BORCS5: variants seen among roughly 807,000 people sequenced by gnomAD.
BORCS5 encodes the protein BLOC-1-related complex subunit 5.
Under a neutral mutation model 22.1 loss-of-function variants are expected in BORCS5, and 17 were observed. The ratio of observed to expected loss-of-function variants is 0.77; its 90% confidence interval spans 0.53 to 1.15. The LOEUF (loss-of-function observed/expected upper bound fraction) is 1.15, where lower values mean the gene tolerates loss of function less well. Among genes scored for constraint, BORCS5 ranks in the 50% most tolerant of loss-of-function variants. The pLI, the probability that BORCS5 is intolerant of heterozygous loss-of-function variation, is 0.00. For synonymous variants in BORCS5, 117 were observed against 99.8 expected, an observed-to-expected ratio of 1.17 and a Z score of -1.03; for missense variants, 247 against 253.2, an observed-to-expected ratio of 0.98 and a Z score of 0.17.
At chr12:12,438,401 C>CATATCTAATCCATA (rs1353299481) in intron 3 of BORCS5, among the ~76,000 whole-genome samples, 1 of 125,178 alleles carries the variant, frequency 8.0e-6, no homozygotes, top group East Asian at 2.3e-4. Flanking sequence ...CAACAAAAAC[C>CATATCTAATCCATA]TCTAATCCAT....
chr12:12,411,861 T>C (rs1941744139), intron 2 of BORCS5, among the ~76,000 whole-genome samples: 1 of 152,226 alleles, frequency 6.6e-6, no homozygotes, highest in South Asian at 2.1e-4. Flanking sequence ...ATAGCCAGCT[T>C]TCCTAGCAGC....
At chr12:12,381,641 T>G (rs918728147) in intron 2 of BORCS5, among the ~76,000 whole-genome samples, 4 of 151,542 alleles carry the variant, frequency 2.6e-5, no homozygotes, top group African/African-American at 4.8e-5. Context: ...TTCTCTTGTA[T>G]TACTGCTTAG....
At chr12:12,423,062 C>T (rs11537452) in intron 2 of BORCS5, among the ~76,000 whole-genome samples, 46,466 of 151,476 alleles carry the variant, frequency 0.31, 8,526 homozygotes, top group Non-Finnish European at 0.4. Context: ...AGTGCAGTGG[C>T]GTGATCTCGA....
At chr12:12,425,197 T>G (rs1005118627) in intron 2 of BORCS5, among the ~76,000 whole-genome samples, 1 of 152,194 alleles carries the variant, frequency 6.6e-6, no homozygotes, top group East Asian at 1.9e-4. Flanking sequence ...AGATGGCTGG[T>G]GCTATTATGA....
chr12:12,451,845 G>C (rs1942915282), intron 3 of BORCS5, among the ~76,000 whole-genome samples: 1 of 151,216 alleles, frequency 6.6e-6, no homozygotes, highest in Non-Finnish European at 1.5e-5. Context: ...GTGAACCCAG[G>C]AGGCGGAGCT....
intron 2 of BORCS5, among the ~76,000 whole-genome samples, chr12:12,383,860 A>G (rs1470802043): frequency 6.6e-6 from 1 of 150,886 alleles, no homozygotes; most frequent in African/African-American, 2.4e-5. Context: ...AATATTTTTC[A>G]TCAGATTTGG....
In BORCS5 at chr12:12,420,202, C is replaced by G. The variant is rs917025086; in HGVS notation, c.203-15426C>G. Among the ~76,000 whole-genome samples the G allele has an allele frequency of 6.9e-5, 10 of 145,224 alleles. No homozygotes were observed. The South Asian group carries it at 1.3e-3, about 18-fold the overall frequency. Reference sequence around the variant, plus strand: ...AGGTCTAACATGTAAGTCTTTAATCCATTTTGAATTAATTTTTGTATAAGG... The same window carrying G: ...AGGTCTAACATGTAAGTCTTTAATCGATTTTGAATTAATTTTTGTATAAGG... On this transcript the variant is annotated intron_variant, in intron 2 of 3. Coordinates refer to ENST00000314565, the MANE Select transcript of BORCS5 (RefSeq NM_058169.6).
intron 3 of BORCS5, among the ~76,000 whole-genome samples, chr12:12,455,819 A>C (rs1406411519): frequency 6.6e-6 from 1 of 151,298 alleles, no homozygotes; most frequent in African/African-American, 2.4e-5. Context: ...GTCCATATGC[A>C]GTCTTTTTTG....
intron 2 of BORCS5, among the ~76,000 whole-genome samples, chr12:12,365,836 G>A (rs1366009684): frequency 6.6e-6 from 1 of 150,966 alleles, no homozygotes; most frequent in African/African-American, 2.5e-5. Flanking sequence ...TCACATGGCT[G>A]TAAGTGATAG....
chr12:12,428,356 G>A (rs1479581879), intron 2 of BORCS5, among the ~76,000 whole-genome samples: 5 of 152,192 alleles, frequency 3.3e-5, no homozygotes, highest in African/African-American at 1.2e-4. Context: ...AGGTACAGAT[G>A]GTAGTTTGCT....
At position 12,415,556 on chromosome 12, in the gene BORCS5, AGAGGGG is replaced by A. The variant is rs1243779710; in HGVS notation, c.203-20053_203-20048del. On this transcript the variant is annotated intron_variant, in intron 2 of 3. Transcript: ENST00000314565. ...GAGACCGTGGAAGGAGACCGTGGAGAGAGGGGGAGGGGGAGGGGGAGGGGCGATTTT... is the reference window on the plus strand; with the variant it reads ...GAGACCGTGGAAGGAGACCGTGGAGAGAGGGGGAGGGGGAGGGGCGATTTT... Among the ~76,000 whole-genome samples, 16 of 3,262 alleles carry A rather than the reference AGAGGGG, an allele frequency of 4.9e-3. 2 individuals are homozygous for A. The East Asian group carries it at 0.065, about 13-fold the overall frequency. The allele number at this position is 3,262 out of a possible 152,430, so 2.1% of individuals were successfully genotyped here.
At chr12:12,436,994 T>G (rs1310313331) in intron 3 of BORCS5, among the ~76,000 whole-genome samples, 1 of 152,220 alleles carries the variant, frequency 6.6e-6, no homozygotes, top group Admixed American at 6.5e-5. Context: ...CATGTGAGTT[T>G]TTTGTTTGTT....
intron 2 of BORCS5, among the ~76,000 whole-genome samples, chr12:12,363,766 T>C (rs1430537164): frequency 6.6e-6 from 1 of 151,320 alleles, no homozygotes; most frequent in African/African-American, 2.4e-5. Flanking sequence ...GGTGTGGTGG[T>C]GTGCACCTGT....
Position 12,438,374 on chromosome 12 carries a change from A to AAACAAAAAAC in BORCS5, c.360+2591_360+2592insCAAAAAACAA, listed in dbSNP as rs1555156021. Among the ~76,000 whole-genome samples, 615 of 125,058 alleles carry AAACAAAAAAC rather than the reference A, an allele frequency of 4.9e-3. 12 individuals carry two copies. Among genetic ancestry groups the AAACAAAAAAC allele is most frequent in the Middle Eastern group, 0.016 (4 of 252 alleles). 82.0% of individuals were successfully genotyped at this position (125,058 alleles called of 152,430 possible). A position where few individuals can be genotyped will look rare whatever the true frequency, so the allele number is the denominator to read the frequency against. Reference sequence around the variant, plus strand: ...AGATTTCATCTCAAAAAAAAAAAAAAAAAAAACGAAAAACAACAACAAAAA... The same window carrying AAACAAAAAAC: ...AGATTTCATCTCAAAAAAAAAAAAAAAACAAAAAACAAAAAACGAAAAACAACAACAAAAA... On this transcript the variant is annotated intron_variant, in intron 3 of 3. Transcript: ENST00000314565.
intron 2 of BORCS5, among the ~76,000 whole-genome samples, chr12:12,366,551 T>C (rs1226815301): frequency 6.6e-6 from 1 of 152,154 alleles, no homozygotes; most frequent in Non-Finnish European, 1.5e-5. Flanking sequence ...TTATAGGAAA[T>C]GAAAGATTAG....
At position 12,467,860 on chromosome 12, in the gene BORCS5, A is replaced by C. The variant is rs1291950157; in HGVS notation, c.*2084A>C. The C allele has an allele frequency of 6.6e-6, 1 of 152,188 alleles. No homozygotes were observed. The highest frequency in any genetic ancestry group is 1.5e-5 in the Non-Finnish European group (1 of 68,048). 9.4% of individuals were successfully genotyped at this position (152,188 alleles called of 1,614,324 possible). A position where few individuals can be genotyped will look rare whatever the true frequency, so the allele number is the denominator to read the frequency against. On this transcript the variant is annotated 3_prime_UTR_variant, in exon 4 of 4. Coordinates refer to ENST00000314565, the MANE Select transcript of BORCS5 (RefSeq NM_058169.6). ...GGTCAGGCCCTGTTCCATCACGTGC[A>C]CGTTACCATGGATCTCCTGCACTTG...
chr12:12,424,010 A>G lies in BORCS5; in HGVS notation c.203-11618A>G, dbSNP rs562805617. 1.2e-4 allele frequency among the ~76,000 whole-genome samples: 18 copies of G among 152,190 alleles called. 1 individual carries two copies. The South Asian group carries it at 3.5e-3, about 30-fold the overall frequency. On this transcript the variant is annotated intron_variant, in intron 2 of 3. Coordinates refer to ENST00000314565, the MANE Select transcript of BORCS5 (RefSeq NM_058169.6). The stretch of plus-strand genomic sequence containing the variant: ...TGGCCCTTTCTAAAGGTTGATTATA[A>G]TGTGTCCTGGTGTGGGTCTCTGAAT...
chr12:12,448,897 C>T (rs1471498869), intron 3 of BORCS5, among the ~76,000 whole-genome samples: 1 of 152,210 alleles, frequency 6.6e-6, no homozygotes, highest in Non-Finnish European at 1.5e-5. Context: ...CAAGCATGTT[C>T]CCTTACCCTG....
At chr12:12,372,926 T>A (rs968920908) in intron 2 of BORCS5, among the ~76,000 whole-genome samples, 1 of 152,206 alleles carries the variant, frequency 6.6e-6, no homozygotes, top group Non-Finnish European at 1.5e-5. Context: ...CTTTAGTTTC[T>A]GCAAACTTTG....
Sources: allele counts gnomAD v4.1 joint callset (sites outside exome capture counted in the v4.1 genomes callset), GRCh38; gene constraint gnomAD v4.1.1; transcripts MANE v1.5; gene names NCBI Gene and HGNC (gene_info 2026-07-23, HGNC 2026-07-21).